Variants in TASOR2 observed in about 807,000 individuals in gnomAD.
TASOR2 encodes the protein transcription activation suppressor family member 2.
In TASOR2, 84 loss-of-function variants were observed where a neutral mutation model predicts 199.5. The observed-to-expected ratio is 0.42, with a 90% confidence interval of 0.35 to 0.50. TASOR2 has a LOEUF of 0.50. Ranked by LOEUF, TASOR2 falls within the 20% of genes least tolerant of loss-of-function variation. TASOR2 has a pLI of 0.02. For synonymous variants in TASOR2, 1,103 were observed against 1,046.6 expected (o/e 1.05, Z -1.04); for missense variants, 2,796 against 2,835.9 (o/e 0.99, Z 0.32).
In TASOR2 at chr10:5,717,650, CT is replaced by C; in HGVS notation, c.-191-5del. 1 of 1,168,424 alleles carries C rather than the reference CT, an allele frequency of 8.6e-7. No individual in the cohort carries two copies. The highest frequency in any genetic ancestry group is 1.1e-6 in the Non-Finnish European group (1 of 929,980). 72.4% of individuals were successfully genotyped at this position (1,168,424 alleles called of 1,614,324 possible). A position where few individuals can be genotyped will look rare whatever the true frequency, so the allele number is the denominator to read the frequency against. On this transcript the variant is annotated splice_region_variant and splice_polypyrimidine_tract_variant and intron_variant, in intron 2 of 20. Coordinates refer to ENST00000328090, the Ensembl canonical transcript of TASOR2. The stretch of plus-strand genomic sequence containing the variant: ...TCTGCTGCTTAATCTATATTTTATA[CT>C]TTTACAGGTGTATACATTTCCAAAT...
intron 13 of TASOR2, among the ~76,000 whole-genome samples, chr10:5,741,493 GC>G (rs895191055): frequency 1.3e-5 from 2 of 152,122 alleles, no homozygotes; most frequent in East Asian, 1.9e-4. Context: ...CAACTCTGCA[GC>G]CCCCCTGACT....
exon 15 of TASOR2, chr10:5,746,659 A>G (rs1237486582): frequency 6.2e-7 from 1 of 1,614,108 alleles, no homozygotes. Context: ...AACCTTTAAG[A>G]AGGAGTTGAT....
exon 13 of TASOR2, chr10:5,739,972 C>G: frequency 1.2e-6 from 2 of 1,614,128 alleles, no homozygotes; most frequent in East Asian, 4.5e-5. Context: ...AACCCATCTT[C>G]TGATAGGAAG....
chr10:5,695,098 A>G (rs776747859), intron 1 of TASOR2, among the ~76,000 whole-genome samples: 13 of 152,084 alleles, frequency 8.5e-5, no homozygotes, highest in Non-Finnish European at 1.3e-4. Flanking sequence ...GAGAAGTTTC[A>G]TTTCTTTTTC....
rs377465450 is a variant in TASOR2 at position 5,722,065 on chromosome 10, CAGTT to C, written c.146+1096_146+1099del. ...TTTTTTGTGAAGGAACTTAGTGAGA[CAGTT>C]GGCAGCATTTGAATAAGATGTAGGT... On this transcript the variant is annotated intron_variant, in intron 6 of 20. Transcript: ENST00000328090. This position sits in a 1 kb window ranked among gnomAD's most constrained non-coding sequence, Gnocchi z 4.0. Among the ~76,000 whole-genome samples the C allele has an allele frequency of 9.4e-3, 1,437 of 152,226 alleles. 29 individuals are homozygous for C. Among genetic ancestry groups the C allele is most frequent in the African/African-American group, 0.033 (1,369 of 41,530 alleles).
intron 11 of TASOR2, 152 bp downstream of exon 12, chr10:5,731,355 C>T: frequency 1.5e-6 from 1 of 676,588 alleles, no homozygotes. Flanking sequence ...ACGGTGACAC[C>T]CTGTCTCTAC....
At chr10:5,763,424 G>A (rs933552175) in exon 21 of TASOR2, 5 of 165,534 alleles carry the variant, frequency 3.0e-5, no homozygotes, top group Admixed American at 1.3e-4. Flanking sequence ...TGTTTTAAAG[G>A]TTTTACCACC....
intron 1 of TASOR2, chr10:5,709,692 A>G (rs933813844): frequency 6.0e-5 from 74 of 1,226,448 alleles, no homozygotes; most frequent in Non-Finnish European, 7.3e-5. Context: ...GCTATAAGTC[A>G]TAACTAATGA....
chr10:5,726,689 G>A lies in TASOR2; in HGVS notation c.352-196G>A, dbSNP rs1005822161. 1.7e-5 allele frequency: 10 copies of A among 581,614 alleles called. No homozygotes were observed. In the Admixed American group the frequency reaches 2.1e-4, roughly 12 times the overall value. 36.0% of individuals were successfully genotyped at this position (581,614 alleles called of 1,614,324 possible). Reference sequence around the variant, plus strand: ...TTTCATGTTCTGGTTATTTTATATAGACCCAACAGGGCCAAGATTATTTCA... The same window carrying A: ...TTTCATGTTCTGGTTATTTTATATAAACCCAACAGGGCCAAGATTATTTCA... On this transcript the variant is annotated intron_variant, in intron 8 of 20. Coordinates refer to ENST00000328090, the Ensembl canonical transcript of TASOR2.
rs903061493 is a variant in TASOR2 at position 5,706,396 on chromosome 10, G to A, written c.-287-6427G>A. On this transcript the variant is annotated intron_variant, in intron 1 of 20. Coordinates refer to ENST00000328090, the Ensembl canonical transcript of TASOR2. This position sits in a 1 kb window ranked among gnomAD's most constrained non-coding sequence, Gnocchi z 4.8. ...TGTGTTGAATCTGTAGATCAATTTTGTGTCTTAACATCCCCCAGCAAAGTT... is the reference window on the plus strand; with the variant it reads ...TGTGTTGAATCTGTAGATCAATTTTATGTCTTAACATCCCCCAGCAAAGTT... 1.3e-5 allele frequency among the ~76,000 whole-genome samples: 2 copies of A among 152,056 alleles called. No homozygotes were observed. The highest frequency in any genetic ancestry group is 4.8e-5 in the African/African-American group (2 of 41,392).
rs1378702221 is a variant in TASOR2 at position 5,689,921 on chromosome 10, A to G, written c.-288+4746A>G. ...GAACTAGTCTTTTGGAAGAGGGGGT[A>G]GAGTTTTTGACTACTCTTTTCATTT... On this transcript the variant is annotated intron_variant, in intron 1 of 20. Transcript: ENST00000328090. This position sits in a 1 kb window ranked among gnomAD's most constrained non-coding sequence, Gnocchi z 4.1. Among the ~76,000 whole-genome samples the G allele has an allele frequency of 2.6e-5, 4 of 152,164 alleles. No homozygotes were observed. The highest frequency in any genetic ancestry group is 9.7e-5 in the African/African-American group (4 of 41,450).
rs1344478355 is a variant in TASOR2, at chr10:5,740,119, T to G, written c.1949T>G (p.Val650Gly). ...TCAGATGCAAGCCAAAGCTCTTCTGTTTCTGTGGAACATTCATATGCCCTG... is the reference window on the plus strand; with the variant it reads ...TCAGATGCAAGCCAAAGCTCTTCTGGTTCTGTGGAACATTCATATGCCCTG... The change falls in exon 13 of 21, where the codon GTT (valine) becomes GGT (glycine). Residue 650 changes from valine (V) to glycine (G), a missense_variant. Val to Gly is a moderately radical substitution (Grantham distance 109). Around this residue, in one of 3 missense-constraint regions of TASOR2, gnomAD observed 847 missense variants for 887.4 expected, o/e 0.95. Transcript: ENST00000328090. The surrounding 1 kb of genome is among the most constrained non-coding windows in gnomAD (Gnocchi z 5.3). The G allele has an allele frequency of 6.2e-7, 1 of 1,614,164 alleles. No homozygotes were observed. The highest frequency in any genetic ancestry group is 2.2e-5 in the East Asian group (1 of 44,880).
chr10:5,721,074 AC>A, intron 6 of TASOR2, 104 bp downstream of exon 7: 1 of 814,360 alleles, frequency 1.2e-6, no homozygotes, highest in Non-Finnish European at 2.0e-6. Flanking sequence ...AAATACAGCA[AC>A]TGTTCTTGAT....
At position 5,701,851 on chromosome 10, in the gene TASOR2, A is replaced by G. The variant is rs72774061; in HGVS notation, c.-287-10972A>G. Among the ~76,000 whole-genome samples the G allele has an allele frequency of 0.013, 1,911 of 152,130 alleles. 22 individuals are homozygous for G. Among genetic ancestry groups the G allele is most frequent in the Non-Finnish European group, 0.02 (1,346 of 67,936 alleles). On this transcript the variant is annotated intron_variant, in intron 1 of 20. Coordinates refer to ENST00000328090, the Ensembl canonical transcript of TASOR2. The surrounding 1 kb of genome is among the most constrained non-coding windows in gnomAD (Gnocchi z 4.9). Reference sequence around the variant, plus strand: ...CTGAATTTGTTTATCAGTTCTAACAATTTTTTTGGTGGAGTCCAGGTTTTT... The same window carrying G: ...CTGAATTTGTTTATCAGTTCTAACAGTTTTTTTGGTGGAGTCCAGGTTTTT...
intron 15 of TASOR2, among the ~76,000 whole-genome samples, chr10:5,755,090 G>C (rs948334431): frequency 6.8e-6 from 1 of 147,426 alleles, no homozygotes; most frequent in Non-Finnish European, 1.5e-5. Flanking sequence ...GGGTGTGACA[G>C]AATAGGTCAG....
chr10:5,712,748 G>A (rs953380525), intron 1 of TASOR2, 75 bp from the exon 2 acceptor site: 1 of 808,488 alleles, frequency 1.2e-6, no homozygotes, highest in Non-Finnish European at 1.7e-6. Flanking sequence ...GAATTCAAAT[G>A]ATGCATTTTT....
intron 11 of TASOR2, among the ~76,000 whole-genome samples, chr10:5,732,193 CTT>C (rs1834913665): frequency 6.6e-6 from 1 of 152,208 alleles, no homozygotes; most frequent in Admixed American, 6.5e-5. Flanking sequence ...AATCATATGA[CTT>C]TGGTTTAGAG....
At chr10:5,755,024 C>G (rs1256154532) in intron 15 of TASOR2, among the ~76,000 whole-genome samples, 2 of 107,578 alleles carry the variant, frequency 1.9e-5, no homozygotes, top group Admixed American at 1.4e-4. Flanking sequence ...CCAGCCTGGG[C>G]AACAGAGCAA....
chr10:5,688,867 G>A (rs1836101226), intron 1 of TASOR2, among the ~76,000 whole-genome samples: 1 of 152,034 alleles, frequency 6.6e-6, no homozygotes, highest in Admixed American at 6.6e-5. Context: ...GTGGAGCGTG[G>A]TAGCACACAC....
Sources: allele counts gnomAD v4.1 joint callset (sites outside exome capture counted in the v4.1 genomes callset), GRCh38; gene constraint gnomAD v4.1.1; regional missense constraint gnomAD v4.1.1; non-coding constraint Gnocchi (gnomAD v3.1); transcripts MANE v1.5; gene names NCBI Gene and HGNC (gene_info 2026-07-23, HGNC 2026-07-21).